Variants in UBE3A observed in about 807,000 individuals in gnomAD.
UBE3A encodes ubiquitin-protein ligase E3A.
A neutral mutation model predicts 83.4 loss-of-function variants in UBE3A; 6 were observed. The observed-to-expected ratio is 0.07, with a 90% confidence interval of 0.04 to 0.14. The LOEUF is 0.14. UBE3A is among the 10% of genes least tolerant of loss of function. The pLI, the probability that UBE3A is intolerant of heterozygous loss-of-function variation, is 1.00. For missense variants in UBE3A, 456 were observed against 1,036.1 expected (o/e 0.44, Z 7.69); for synonymous variants, 337 against 355.4 (o/e 0.95, Z 0.58).
chr15:25,366,464 A>G (rs1270648695), intron 6 of UBE3A, among the ~76,000 whole-genome samples: 1 of 152,160 alleles, frequency 6.6e-6, no homozygotes, highest in African/African-American at 2.4e-5. Context: ...TTTAGAGGGG[A>G]TTTTGCAGAA....
intron 6 of UBE3A, among the ~76,000 whole-genome samples, chr15:25,366,633 T>G (rs2079142481): frequency 6.6e-6 from 1 of 152,166 alleles, no homozygotes; most frequent in South Asian, 2.1e-4. Flanking sequence ...GGAACCAAGT[T>G]TCACATCATC....
In UBE3A at chr15:25,339,276, A is replaced by G. The variant is rs775397987; in HGVS notation, c.2499-19T>C. 8 of 1,608,768 alleles carry G rather than the reference A, an allele frequency of 5.0e-6. No individual in the cohort carries two copies. The highest frequency in any genetic ancestry group is 4.5e-5 in the East Asian group (2 of 44,684). On this transcript the variant is annotated intron_variant, in intron 12 of 12. Coordinates refer to ENST00000648336, the MANE Select transcript of UBE3A (RefSeq NM_130839.5). ...AGGTAACCTAAATAGAGAAAAGGGG[A>G]AAAAAACAGGAAAACTGTAAGTCAT...
Position 25,334,095 on chromosome 15 carries a change from C to A in UBE3A, c.*5042G>T, listed in dbSNP as rs1260225227. ...ATATTGTACTGGAGGTGCTAGCCAG[C>A]ACACTAAGGCAAGAAAATGAAATAA... On this transcript the variant is annotated 3_prime_UTR_variant, in exon 13 of 13. Transcript: ENST00000648336. The A allele has an allele frequency of 1.3e-5, 2 of 151,768 alleles. No homozygotes were observed. Among genetic ancestry groups the A allele is most frequent in the Non-Finnish European group, 2.9e-5 (2 of 67,976 alleles). 9.4% of individuals were successfully genotyped at this position (151,768 alleles called of 1,614,324 possible). A position where few individuals can be genotyped will look rare whatever the true frequency, so the allele number is the denominator to read the frequency against.
intron 1 of UBE3A, chr15:25,413,110 A>G: frequency 4.8e-6 from 2 of 413,370 alleles, no homozygotes; most frequent in Non-Finnish European, 9.4e-6. Context: ...AAAATACAGA[A>G]TAACAAAAAC....
chr15:25,424,600 G>C (rs143358367), intron 1 of UBE3A, among the ~76,000 whole-genome samples: 161 of 152,208 alleles, frequency 1.1e-3, no homozygotes, highest in African/African-American at 3.9e-3. Flanking sequence ...TTCAAGAAAT[G>C]TTTACTAAGT....
intron 4 of UBE3A, among the ~76,000 whole-genome samples, chr15:25,402,780 T>C (rs1351562158): frequency 1.3e-5 from 2 of 152,232 alleles, no homozygotes; most frequent in Admixed American, 6.5e-5. Context: ...CCCTTTTCAA[T>C]GTGTCTTTTC....
chr15:25,386,367 G>C (rs1455996223), intron 4 of UBE3A, among the ~76,000 whole-genome samples: 1 of 152,078 alleles, frequency 6.6e-6, no homozygotes, highest in African/African-American at 2.4e-5. Flanking sequence ...CAAGCACCAG[G>C]ACCAGATACA....
At chr15:25,429,731 G>A (rs767431472) in intron 1 of UBE3A, among the ~76,000 whole-genome samples, 131 of 152,014 alleles carry the variant, frequency 8.6e-4, no homozygotes, top group Admixed American at 2.7e-3. Flanking sequence ...TAGGATTGGT[G>A]TGGTGGCTCA....
intron 1 of UBE3A, chr15:25,422,097 T>A (rs1567163021): frequency 6.6e-6 from 1 of 152,108 alleles, no homozygotes; most frequent in African/African-American, 2.4e-5. Context: ...ATATTGTATT[T>A]AAAAAAACGA....
At chr15:25,374,072 C>G (rs955707098) in intron 5 of UBE3A, 2 of 152,070 alleles carry the variant, frequency 1.3e-5, no homozygotes, top group African/African-American at 4.8e-5. Context: ...AATAAGAGTA[C>G]TAGTGTACAG....
chr15:25,354,280 G>A (rs1458784122), intron 11 of UBE3A, 73 bp downstream of exon 11: 1 of 1,372,186 alleles, frequency 7.3e-7, no homozygotes, highest in East Asian at 2.3e-5. Context: ...AGTACCTAGA[G>A]ATAAAGGTCT....
intron 6 of UBE3A, among the ~76,000 whole-genome samples, chr15:25,364,864 T>C (rs1363419618): frequency 6.6e-6 from 1 of 151,882 alleles, no homozygotes; most frequent in South Asian, 2.1e-4. Flanking sequence ...GCCAGGATGG[T>C]TTCGGTCTCC....
chr15:25,342,636 A>AAAAT (rs1385629676), intron 11 of UBE3A, among the ~76,000 whole-genome samples: 6 of 149,014 alleles, frequency 4.0e-5, no homozygotes, highest in Admixed American at 2.0e-4. Context: ...CAAAAAGGGG[A>AAAAT]AAATAAAAAA....
chr15:25,363,169 T>C (rs2078406012), intron 6 of UBE3A, among the ~76,000 whole-genome samples: 1 of 152,222 alleles, frequency 6.6e-6, no homozygotes, highest in South Asian at 2.1e-4. Context: ...GCTCCCCACC[T>C]TGGTGCCAAA....
intron 3 of UBE3A, among the ~76,000 whole-genome samples, chr15:25,406,389 G>A (rs1033148891): frequency 6.6e-6 from 1 of 151,928 alleles, no homozygotes; most frequent in Non-Finnish European, 1.5e-5. Flanking sequence ...ATATACTACT[G>A]CTCTCTCATG....
chr15:25,410,269 C>G (rs1296116913), intron 2 of UBE3A, among the ~76,000 whole-genome samples: 14 of 152,080 alleles, frequency 9.2e-5, no homozygotes, highest in Admixed American at 9.2e-4. Context: ...AAAGCATATC[C>G]TCCTCCCTCA....
Position 25,371,295 on chromosome 15 carries a change from G to A in UBE3A, c.879C>T (p.Leu293=). The change falls in exon 6 of 13, where the codon CTC becomes CTT. Residue 293 remains leucine (L), a synonymous_variant. Transcript: ENST00000648336. The surrounding 1 kb of genome is among the most constrained non-coding windows in gnomAD (Gnocchi z 5.3). ...LFIIVMENRN[L]HSPEYLEMAL... is the part of the protein sequence containing the mutation. ...CCATTTCCAGATATTCAGGACTGTG[G>A]AGATTTCTATTCTCCATTACGATAA... The A allele has an allele frequency of 6.2e-7, 1 of 1,614,116 alleles. No individual in the cohort carries two copies. The highest frequency in any genetic ancestry group is 8.5e-7 in the Non-Finnish European group (1 of 1,180,014).
chr15:25,413,562 G>C (rs2090376203), intron 1 of UBE3A, among the ~76,000 whole-genome samples: 2 of 152,062 alleles, frequency 1.3e-5, no homozygotes, highest in African/African-American at 4.8e-5. Context: ...CCTTATTCCA[G>C]TCCATTCTGC....
intron 6 of UBE3A, among the ~76,000 whole-genome samples, chr15:25,369,978 C>G (rs774633049): frequency 4.6e-5 from 7 of 152,078 alleles, no homozygotes; most frequent in Non-Finnish European, 8.8e-5. Context: ...CCAGAGTTGT[C>G]TCTATGAATT....
Sources: gnomAD v4.1 joint callset for allele counts (sites outside exome capture counted in the v4.1 genomes callset) on GRCh38, gnomAD v4.1.1 for gene constraint, Gnocchi (gnomAD v3.1) non-coding constraint, MANE v1.5 for transcripts, NCBI Gene and HGNC (gene_info 2026-07-23, HGNC 2026-07-21) for gene names.